DYNC1I1: variants seen among roughly 807,000 people sequenced by gnomAD.
DYNC1I1 encodes cytoplasmic dynein 1 intermediate chain 1.
Under a neutral mutation model 86.6 loss-of-function variants are expected in DYNC1I1, and 43 were observed. The observed-to-expected ratio is 0.50, with a 90% confidence interval of 0.39 to 0.64. The LOEUF is 0.64. Among genes scored for constraint, DYNC1I1 ranks in the 30% least tolerant of loss-of-function variants. DYNC1I1 has a pLI of 0.00. For synonymous variants in DYNC1I1, 262 were observed against 283.7 expected (o/e 0.92, Z 0.77); for missense variants, 604 against 788.8 (o/e 0.77, Z 2.81).
In DYNC1I1 at chr7:96,094,777, A is replaced by G. The variant is rs144344329; in HGVS notation, c.1777-2706A>G. 2.4e-3 allele frequency among the ~76,000 whole-genome samples: 362 copies of G among 152,296 alleles called. 2 individuals carry two copies. Among genetic ancestry groups the G allele is most frequent in the African/African-American group, 8.2e-3 (341 of 41,564 alleles). ...TTTTACAGTCAACAAGATGAAAAGG[A>G]TAGTAGGATGAGGTAGATAAATTGA... On this transcript the variant is annotated intron_variant, in intron 16 of 16. Coordinates refer to ENST00000447467, the MANE Select transcript of DYNC1I1 (RefSeq NM_001135556.2).
intron 6 of DYNC1I1, among the ~76,000 whole-genome samples, chr7:95,969,473 C>T (rs1382197083): frequency 6.6e-6 from 1 of 152,116 alleles, no homozygotes; most frequent in Admixed American, 6.5e-5. Context: ...TCAGTCAAGC[C>T]TCCTTGTCTC....
At chr7:95,778,889 T>C (rs1309155206) in intron 1 of DYNC1I1, among the ~76,000 whole-genome samples, 1 of 152,094 alleles carries the variant, frequency 6.6e-6, no homozygotes, top group Non-Finnish European at 1.5e-5. Context: ...GGTCTTGAAC[T>C]TGTGGCTTCC....
chr7:95,942,279 C>T (rs994074939), intron 6 of DYNC1I1, among the ~76,000 whole-genome samples: 4 of 151,942 alleles, frequency 2.6e-5, no homozygotes, highest in Non-Finnish European at 4.4e-5. Flanking sequence ...TAGAAGAAAT[C>T]GATAAGTTCC....
chr7:95,932,057 C>T (rs1791913919), intron 6 of DYNC1I1, among the ~76,000 whole-genome samples: 1 of 152,074 alleles, frequency 6.6e-6, no homozygotes, highest in Non-Finnish European at 1.5e-5. Flanking sequence ...TGCTCAATAC[C>T]TATTTTTCCA....
chr7:95,967,880 G>T (rs1793056475), intron 6 of DYNC1I1, among the ~76,000 whole-genome samples: 1 of 152,146 alleles, frequency 6.6e-6, no homozygotes, highest in Non-Finnish European at 1.5e-5. Context: ...GTTAGTGCAG[G>T]CAGACTGGAG....
intron 5 of DYNC1I1, among the ~76,000 whole-genome samples, chr7:95,836,386 T>A (rs13226353): frequency 0.53 from 79,263 of 150,610 alleles, 21,591 homozygotes; most frequent in African/African-American, 0.68. Flanking sequence ...CCTTTCTCTC[T>A]GGCTGCCCTT....
chr7:96,033,376 T>C (rs1020401304), intron 12 of DYNC1I1, among the ~76,000 whole-genome samples: 5 of 152,108 alleles, frequency 3.3e-5, no homozygotes, highest in Admixed American at 3.3e-4. Context: ...AACAAAGGAA[T>C]AGAAGTGGGA....
rs1431393526 is a variant in DYNC1I1 at position 95,828,837 on chromosome 7, A to G, written c.374+721A>G. Among the ~76,000 whole-genome samples the G allele has an allele frequency of 2.0e-5, 3 of 152,150 alleles. No individual in the cohort carries two copies. The East Asian group carries it at 5.8e-4, about 29-fold the overall frequency. The stretch of plus-strand genomic sequence containing the variant: ...TGTAGGATTGGAGTTAGCTGTAGTC[A>G]CACAGGAGATATTACTGGTGGGGTG... On this transcript the variant is annotated intron_variant, in intron 5 of 16. Transcript: ENST00000447467.
chr7:95,866,840 A>G (rs1157155478), intron 5 of DYNC1I1, among the ~76,000 whole-genome samples: 2 of 152,252 alleles, frequency 1.3e-5, no homozygotes, highest in African/African-American at 4.8e-5. Flanking sequence ...AGTGTGTCAG[A>G]TGATCAGTAC....
chr7:95,955,310 T>C (rs1357982653), intron 6 of DYNC1I1, among the ~76,000 whole-genome samples: 1 of 151,972 alleles, frequency 6.6e-6, no homozygotes, highest in East Asian at 1.9e-4. Flanking sequence ...AGATTGGAAA[T>C]TTTGATTTAT....
intron 14 of DYNC1I1, among the ~76,000 whole-genome samples, chr7:96,056,315 A>G (rs548958098): frequency 6.6e-6 from 1 of 152,138 alleles, no homozygotes; most frequent in Non-Finnish European, 1.5e-5. Flanking sequence ...CCTGTGTGTG[A>G]CATTCTTTCT....
At chr7:96,099,760 G>T (rs143866405), downstream of DYNC1I1, among the ~76,000 whole-genome samples, 220 of 152,286 alleles carry the variant, frequency 1.4e-3, no homozygotes, top group Non-Finnish European at 2.8e-3. Context: ...TCACATTGAA[G>T]ATTTAGGCTT....
intron 10 of DYNC1I1, among the ~76,000 whole-genome samples, chr7:96,000,627 C>G (rs1009620138): frequency 2.0e-5 from 3 of 152,190 alleles, no homozygotes; most frequent in African/African-American, 7.2e-5. Context: ...ATGAGCTAGA[C>G]AGTGATTCTT....
intron 1 of DYNC1I1, among the ~76,000 whole-genome samples, chr7:95,801,786 A>G (rs1445881469): frequency 1.3e-5 from 2 of 152,170 alleles, no homozygotes; most frequent in Admixed American, 6.5e-5. Context: ...AATTTTACCC[A>G]TTGGTGTTGA....
chr7:95,964,618 C>T (rs1222522629), intron 6 of DYNC1I1, among the ~76,000 whole-genome samples: 4 of 152,064 alleles, frequency 2.6e-5, no homozygotes, highest in Admixed American at 1.3e-4. Context: ...CATTCAATTC[C>T]CACCACTAAA....
intron 16 of DYNC1I1, among the ~76,000 whole-genome samples, chr7:96,096,299 G>T (rs1490916878): frequency 6.6e-6 from 1 of 151,976 alleles, no homozygotes; most frequent in Admixed American, 6.6e-5. Context: ...CAAAGCTTAG[G>T]TTTATTTGCT....
At chr7:96,023,408 T>A (rs1794601009) in intron 10 of DYNC1I1, among the ~76,000 whole-genome samples, 1 of 151,878 alleles carries the variant, frequency 6.6e-6, no homozygotes, top group African/African-American at 2.4e-5. Flanking sequence ...GCCTAGAGGG[T>A]AGGCTTCCCA....
At chr7:96,050,931 T>C (rs1341958368) in intron 14 of DYNC1I1, among the ~76,000 whole-genome samples, 2 of 152,228 alleles carry the variant, frequency 1.3e-5, no homozygotes, top group Non-Finnish European at 2.9e-5. Context: ...ATAAATTCTG[T>C]TGAGTACCAA....
At chr7:95,919,565 A>G (rs1176746034) in intron 6 of DYNC1I1, among the ~76,000 whole-genome samples, 1 of 152,236 alleles carries the variant, frequency 6.6e-6, no homozygotes, top group African/African-American at 2.4e-5. Context: ...AACAATTCAT[A>G]GTTTTAATTA....
Sources: allele counts gnomAD v4.1 joint callset (sites outside exome capture counted in the v4.1 genomes callset), GRCh38; gene constraint gnomAD v4.1.1; transcripts MANE v1.5; gene names NCBI Gene and HGNC (gene_info 2026-07-23, HGNC 2026-07-21).